Variants in CD8B observed in about 807,000 individuals in gnomAD.
The protein encoded by CD8B is CD8 subunit beta.
In CD8B, 6 loss-of-function variants were observed where a neutral mutation model predicts 24.2. That is an observed-to-expected ratio of 0.25 (90% CI 0.14 to 0.49). The LOEUF is 0.49. Among genes scored for constraint, CD8B ranks in the 20% least tolerant of loss-of-function variants. CD8B has a pLI of 0.98. For synonymous variants in CD8B, 84 were observed against 108.3 expected, an observed-to-expected ratio of 0.78 and a Z score of 1.39; for missense variants, 196 against 271.3, an observed-to-expected ratio of 0.72 and a Z score of 1.95.
In CD8B at chr2:86,853,246, A is replaced by C. The variant is rs546277041; in HGVS notation, c.404-160T>G. On this transcript the variant is annotated intron_variant, in intron 2 of 5. Transcript: ENST00000390655. ...CATTTGAGCTCAGGAGGTTGAGACC[A>C]GCCTGGGCAACATGGTGAAACCCCC... Among the ~76,000 whole-genome samples, 15 of 152,034 alleles carry C rather than the reference A, an allele frequency of 9.9e-5. No homozygotes were observed. The East Asian group carries it at 2.7e-3, about 27-fold the overall frequency.
chr2:86,827,360 C>T (rs927922247), intron 5 of CD8B, among the ~76,000 whole-genome samples: 1 of 151,896 alleles, frequency 6.6e-6, no homozygotes, highest in Admixed American at 6.6e-5. Flanking sequence ...GGTGTGGTGG[C>T]TAATGCCTGT....
At chr2:86,822,247 A>T in intron 5 of CD8B, 1 of 803,660 alleles carries the variant, frequency 1.2e-6, no homozygotes, top group Non-Finnish European at 2.0e-6. Context: ...AAAAAAAAAA[A>T]GATGATATCT....
chr2:86,835,485 T>C (rs548088739), downstream of CD8B, among the ~76,000 whole-genome samples: 16 of 151,922 alleles, frequency 1.1e-4, no homozygotes, highest in African/African-American at 3.9e-4. Context: ...TGCTCTCCCC[T>C]CCCTATGTCC....
intron 5 of CD8B, among the ~76,000 whole-genome samples, chr2:86,823,034 T>TA (rs1470982650): frequency 6.6e-6 from 1 of 152,180 alleles, no homozygotes; most frequent in Non-Finnish European, 1.5e-5. Flanking sequence ...GCATTAAGTA[T>TA]ATTTATATTT....
intron 5 of CD8B, among the ~76,000 whole-genome samples, chr2:86,826,707 C>T (rs537466893): frequency 3.3e-5 from 5 of 152,190 alleles, no homozygotes; most frequent in African/African-American, 4.8e-5. Flanking sequence ...ACGACAGTGT[C>T]GCTCTCGCCC....
chr2:86,853,201 C>A, intron 2 of CD8B, 115 bp from the exon 3 acceptor site: 1 of 1,508,138 alleles, frequency 6.6e-7, no homozygotes, highest in Middle Eastern at 2.0e-4. Flanking sequence ...CCAACACTTC[C>A]GGAGGCCAAG....
chr2:86,853,151 C>T, intron 2 of CD8B, 65 bp from the exon 3 acceptor site: 1 of 1,548,724 alleles, frequency 6.5e-7, no homozygotes. Context: ...AAAGACAAAA[C>T]TTTGTCTTAT....
chr2:86,846,884 AT>A (rs1449485189), intron 3 of CD8B, 111 bp from the exon 4 acceptor site: 4 of 642,296 alleles, frequency 6.2e-6, no homozygotes, highest in Non-Finnish European at 1.1e-5. Flanking sequence ...CTCCCAGAGA[AT>A]ACCACCATTT....
chr2:86,854,237 G>A (rs1159967460), intron 2 of CD8B, among the ~76,000 whole-genome samples: 1 of 152,066 alleles, frequency 6.6e-6, no homozygotes, highest in African/African-American at 2.4e-5. Context: ...GAGCCCCAGG[G>A]CTGGATCGCC....
chr2:86,827,248 TA>T (rs75183084), intron 5 of CD8B, among the ~76,000 whole-genome samples: 225 of 143,234 alleles, frequency 1.6e-3, no homozygotes, highest in Middle Eastern at 3.6e-3. Flanking sequence ...TCTTTTGAGT[TA>T]AAAAAAAAAA....
intron 3 of CD8B, among the ~76,000 whole-genome samples, chr2:86,851,961 G>C (rs1675997162): frequency 1.3e-5 from 2 of 152,152 alleles, no homozygotes; most frequent in South Asian, 2.1e-4. Context: ...TCCTCTGTTA[G>C]GTATTAAAAC....
intron 1 of CD8B, 63 bp downstream of exon 1, chr2:86,861,760 T>C (rs1676609253): frequency 3.3e-6 from 4 of 1,196,726 alleles, no homozygotes; most frequent in South Asian, 3.7e-5. Context: ...CAGCCACTTA[T>C]CACCTCCCCG....
chr2:86,837,571 TTGAC>T (rs1675226997), downstream of CD8B, among the ~76,000 whole-genome samples: 1 of 151,058 alleles, frequency 6.6e-6, no homozygotes, highest in Non-Finnish European at 1.5e-5. Flanking sequence ...GTCTTTCCCT[TTGAC>T]TGGGTGGTAG....
downstream of CD8B, among the ~76,000 whole-genome samples, chr2:86,833,175 G>A (rs1428598855): frequency 1.2e-4 from 18 of 151,238 alleles, no homozygotes; most frequent in Admixed American, 1.2e-3. Flanking sequence ...CACTCTGGCA[G>A]TGTTGCCAAG....
chr2:86,823,666 G>C (rs549688852), intron 5 of CD8B, among the ~76,000 whole-genome samples: 2 of 152,306 alleles, frequency 1.3e-5, no homozygotes, highest in East Asian at 3.9e-4. Flanking sequence ...TTTGCTCATT[G>C]ATTTGATATT....
At chr2:86,817,022 G>A (rs1674278017) in intron 5 of CD8B, among the ~76,000 whole-genome samples, 1 of 152,162 alleles carries the variant, frequency 6.6e-6, no homozygotes, top group African/African-American at 2.4e-5. Context: ...AATTAAAAAT[G>A]GGCAAAGTAC....
chr2:86,816,104 C>T (rs1360733358), intron 5 of CD8B, among the ~76,000 whole-genome samples: 2 of 152,174 alleles, frequency 1.3e-5, no homozygotes, highest in Non-Finnish European at 1.5e-5. Flanking sequence ...AGGTGAATTT[C>T]AATAGTGTCT....
intron 5 of CD8B, among the ~76,000 whole-genome samples, chr2:86,844,420 C>T (rs1675573963): frequency 6.6e-6 from 1 of 151,850 alleles, no homozygotes; most frequent in South Asian, 2.1e-4. Context: ...GGTGATAACC[C>T]CTTATCTCAC....
intron 3 of CD8B, 141 bp from the exon 4 acceptor site, chr2:86,846,914 T>C (rs1230715440): frequency 1.7e-6 from 1 of 576,778 alleles, no homozygotes; most frequent in Non-Finnish European, 3.1e-6. Flanking sequence ...ATGTAATGTA[T>C]TTTTCCTCAA....
Sources: allele counts gnomAD v4.1 joint callset (sites outside exome capture counted in the v4.1 genomes callset), GRCh38; gene constraint gnomAD v4.1.1; transcripts MANE v1.5; gene names NCBI Gene and HGNC (gene_info 2026-07-23, HGNC 2026-07-21).